SUPT3H: variants seen among roughly 807,000 people sequenced by gnomAD.
SUPT3H encodes transcription initiation protein SPT3 homolog.
SUPT3H carries 44 observed loss-of-function variants against 44.3 expected under a neutral mutation model. The observed-to-expected ratio is 0.99, with a 90% CI of 0.78 to 1.28. The LOEUF is 1.28. SUPT3H is among the 50% of genes most tolerant of loss of function. The probability of loss-of-function intolerance (pLI) is 0.00; values close to 1 mark genes in which losing one functional copy is unlikely to be tolerated. For missense variants in SUPT3H, 380 were observed against 387.1 expected (o/e 0.98, Z 0.15); for synonymous variants, 124 against 125.6 (o/e 0.99, Z 0.09).
intron 3 of SUPT3H, among the ~76,000 whole-genome samples, chr6:45,088,657 C>A (rs924165950): frequency 1.3e-5 from 2 of 152,012 alleles, no homozygotes; most frequent in South Asian, 2.1e-4. Flanking sequence ...GGCTCACGAA[C>A]CCTGTGGGTT....
chr6:45,297,007 A>C (rs532068265), intron 2 of SUPT3H, among the ~76,000 whole-genome samples: 20 of 151,676 alleles, frequency 1.3e-4, no homozygotes, highest in Non-Finnish European at 2.2e-4. Flanking sequence ...AAATCTCACA[A>C]ATCACCACTA....
At chr6:44,841,604 C>G (rs574514860) in intron 10 of SUPT3H, among the ~76,000 whole-genome samples, 1 of 152,274 alleles carries the variant, frequency 6.6e-6, no homozygotes, top group East Asian at 1.9e-4. Context: ...GACTGACAGC[C>G]TTCAATAATG....
chr6:44,854,585 C>T (rs1773425680), intron 10 of SUPT3H, among the ~76,000 whole-genome samples: 1 of 152,120 alleles, frequency 6.6e-6, no homozygotes, highest in South Asian at 2.1e-4. Flanking sequence ...GCCCTCAATC[C>T]CTTGCAGCCA....
At chr6:44,831,600 A>T (rs1447740627) in intron 10 of SUPT3H, among the ~76,000 whole-genome samples, 4 of 152,196 alleles carry the variant, frequency 2.6e-5, no homozygotes, top group African/African-American at 9.7e-5. Context: ...CCACAGTGAC[A>T]ATCTTTAACA....
intron 2 of SUPT3H, among the ~76,000 whole-genome samples, chr6:45,260,246 A>G (rs1001414519): frequency 6.6e-6 from 1 of 152,190 alleles, no homozygotes; most frequent in Non-Finnish European, 1.5e-5. Context: ...GAACTGCAGG[A>G]AAGTTTTTCA....
intron 2 of SUPT3H, among the ~76,000 whole-genome samples, chr6:45,167,279 G>A (rs942224351): frequency 3.3e-5 from 5 of 152,122 alleles, no homozygotes; most frequent in Non-Finnish European, 5.9e-5. Context: ...GATAGCAACC[G>A]GAAGAATGCT....
At chr6:44,850,422 T>C (rs866985224) in intron 10 of SUPT3H, among the ~76,000 whole-genome samples, 1 of 152,154 alleles carries the variant, frequency 6.6e-6, no homozygotes, top group Non-Finnish European at 1.5e-5. Flanking sequence ...CAAATCCAGA[T>C]GTATGTTTTT....
At chr6:45,015,616 G>C (rs1467937947) in intron 4 of SUPT3H, among the ~76,000 whole-genome samples, 3 of 151,936 alleles carry the variant, frequency 2.0e-5, no homozygotes, top group Non-Finnish European at 4.4e-5. Context: ...TTACTTTATA[G>C]ACTTAATTTA....
At chr6:45,244,174 G>T (rs1461662592) in intron 2 of SUPT3H, among the ~76,000 whole-genome samples, 5 of 152,246 alleles carry the variant, frequency 3.3e-5, no homozygotes, top group South Asian at 4.1e-4. Flanking sequence ...ATGGCATCTG[G>T]CTGTTTTGCT....
chr6:45,144,019 C>T (rs1289144530), intron 2 of SUPT3H, among the ~76,000 whole-genome samples: 1 of 152,006 alleles, frequency 6.6e-6, no homozygotes, highest in African/African-American at 2.4e-5. Context: ...TCTGAACAGA[C>T]AAATAACAAG....
chr6:45,017,701 C>G lies in SUPT3H; in HGVS notation c.274-2810G>C, dbSNP rs925182944. On this transcript the variant is annotated intron_variant, in intron 4 of 10. Transcript: ENST00000371459. Reference sequence around the variant, plus strand: ...GAGGGCTCTGTTCTGTTCCATTGATCTATATCTCTGTTTTGGTACCAGTAC... The same window carrying G: ...GAGGGCTCTGTTCTGTTCCATTGATGTATATCTCTGTTTTGGTACCAGTAC... Among the ~76,000 whole-genome samples, 107 of 147,030 alleles carry G rather than the reference C, an allele frequency of 7.3e-4. No homozygotes were observed. The South Asian group carries it at 0.015, about 21-fold the overall frequency.
At chr6:45,147,580 CCAGA>C (rs759017942) in intron 2 of SUPT3H, among the ~76,000 whole-genome samples, 6 of 151,324 alleles carry the variant, frequency 4.0e-5, no homozygotes. Context: ...AGGGACCTGA[CCAGA>C]CAAATATGAT....
At chr6:44,919,662 A>AT (rs1768350943) in intron 10 of SUPT3H, among the ~76,000 whole-genome samples, 1 of 151,984 alleles carries the variant, frequency 6.6e-6, no homozygotes, top group African/African-American at 2.4e-5. Flanking sequence ...TAAACTTGCT[A>AT]TTTTTTTATT....
intron 6 of SUPT3H, among the ~76,000 whole-genome samples, chr6:44,971,933 C>A (rs113249834): frequency 0.12 from 17,781 of 151,108 alleles, 1,228 homozygotes; most frequent in African/African-American, 0.19. Context: ...CCACCACACC[C>A]GGCTAATTTT....
At chr6:45,221,547 C>G (rs1045784353) in intron 2 of SUPT3H, among the ~76,000 whole-genome samples, 32 of 152,014 alleles carry the variant, frequency 2.1e-4, no homozygotes, top group African/African-American at 7.7e-4. Flanking sequence ...GTTATATACT[C>G]AAAAGTATAA....
At chr6:45,192,983 A>C (rs1015530131) in intron 2 of SUPT3H, among the ~76,000 whole-genome samples, 2 of 152,150 alleles carry the variant, frequency 1.3e-5, no homozygotes, top group African/African-American at 2.4e-5. Context: ...AGCCCGCCCA[A>C]ATTTTCTACA....
At chr6:45,040,371 C>A (rs796297110) in intron 3 of SUPT3H, among the ~76,000 whole-genome samples, 5 of 152,246 alleles carry the variant, frequency 3.3e-5, no homozygotes, top group African/African-American at 1.2e-4. Context: ...ACGAGCAGTA[C>A]TGAACATGAA....
In SUPT3H at chr6:44,876,836, GAA is replaced by G. The variant is rs200454659; in HGVS notation, c.913-46981_913-46980del. 9.0e-3 allele frequency among the ~76,000 whole-genome samples: 832 copies of G among 92,226 alleles called. 15 individuals carry two copies. Among genetic ancestry groups the G allele is most frequent in the African/African-American group, 0.033 (724 of 22,206 alleles). The allele number at this position is 92,226 out of a possible 152,430, so 60.5% of individuals were successfully genotyped here. On this transcript the variant is annotated intron_variant, in intron 10 of 10. Coordinates refer to ENST00000371459, the MANE Select transcript of SUPT3H (RefSeq NM_003599.4). The stretch of plus-strand genomic sequence containing the variant: ...ACAATAAAAATAAAGATCTTCAATT[GAA>G]AAAAAAAAAAAAGAAAAAGAAAAAA...
At chr6:45,295,162 TG>T (rs1426964278) in intron 2 of SUPT3H, among the ~76,000 whole-genome samples, 13 of 151,798 alleles carry the variant, frequency 8.6e-5, no homozygotes, top group African/African-American at 2.9e-4. Flanking sequence ...CATAGACCAA[TG>T]GAATAGAGAA....
Sources: allele counts gnomAD v4.1 joint callset (sites outside exome capture counted in the v4.1 genomes callset), GRCh38; gene constraint gnomAD v4.1.1; transcripts MANE v1.5; gene names NCBI Gene and HGNC (gene_info 2026-07-23, HGNC 2026-07-21).